SCUBE2: variants seen among roughly 807,000 people sequenced by gnomAD.
SCUBE2 encodes signal peptide, CUB and EGF-like domain-containing protein 2.
In SCUBE2, 114 loss-of-function variants were observed where a neutral mutation model predicts 125.9. The ratio of observed to expected loss-of-function variants is 0.91; its 90% CI spans 0.78 to 1.06. SCUBE2 has a LOEUF of 1.06. Among genes scored for constraint, SCUBE2 ranks in the 50% least tolerant of loss-of-function variants. The pLI is 0.00. For synonymous variants in SCUBE2, 459 were observed against 492.9 expected, an observed-to-expected ratio of 0.93 and a Z score of 0.91; for missense variants, 1,255 against 1,301.8, an observed-to-expected ratio of 0.96 and a Z score of 0.55.
rs78492071 is a variant in SCUBE2, at chr11:9,062,436, A to C, written c.851-1912T>G. Among the ~76,000 whole-genome samples, 112 of 152,344 alleles carry C rather than the reference A, an allele frequency of 7.4e-4. 1 individual carries two copies. Among genetic ancestry groups the C allele is most frequent in the Non-Finnish European group, 1.5e-3 (100 of 68,038 alleles). On this transcript the variant is annotated intron_variant, in intron 7 of 22. Coordinates refer to ENST00000649792, the MANE Select transcript of SCUBE2 (RefSeq NM_001367977.2). ...TATGTCACTGCCTCGTCACCCAAAC[A>C]TGAAGCCCACAAATCAATAGAATAT...
intron 2 of SCUBE2, among the ~76,000 whole-genome samples, chr11:9,087,757 G>A (rs1590170479): frequency 6.6e-6 from 1 of 152,104 alleles, no homozygotes; most frequent in East Asian, 1.9e-4. Flanking sequence ...TTTTCTTTTG[G>A]TCTTCCCTTC....
At chr11:9,024,367 A>T in intron 21 of SCUBE2, 4 of 1,287,910 alleles carry the variant, frequency 3.1e-6, no homozygotes, top group Non-Finnish European at 4.0e-6. Flanking sequence ...CCCAAGAGAT[A>T]CTAAAACTCC....
rs1384597853 is a variant in SCUBE2 at position 9,019,551 on chromosome 11, A to G, written c.*1494T>C. On this transcript the variant is annotated 3_prime_UTR_variant, in exon 23 of 23. Coordinates refer to ENST00000649792, the MANE Select transcript of SCUBE2 (RefSeq NM_001367977.2). Reference sequence around the variant, plus strand: ...TGATGATGTTCAAACTTTTGAAGAGAAATCTGAAAATGAATATTTAGGGCC... The same window carrying G: ...TGATGATGTTCAAACTTTTGAAGAGGAATCTGAAAATGAATATTTAGGGCC... Among the ~76,000 whole-genome samples, 1 of 152,060 alleles carries G rather than the reference A, an allele frequency of 6.6e-6. No individual in the cohort carries two copies. The highest frequency in any genetic ancestry group is 1.5e-5 in the Non-Finnish European group (1 of 68,028).
At chr11:9,086,104 G>A (rs539921025) in intron 2 of SCUBE2, among the ~76,000 whole-genome samples, 1 of 152,312 alleles carries the variant, frequency 6.6e-6, no homozygotes, top group Admixed American at 6.5e-5. Context: ...AAAGTGCTAG[G>A]ATTACAGGCG....
intron 7 of SCUBE2, among the ~76,000 whole-genome samples, chr11:9,065,632 A>G (rs972375083): frequency 3.9e-5 from 6 of 152,214 alleles, no homozygotes; most frequent in Admixed American, 6.5e-5. Flanking sequence ...GCAGTTTGCC[A>G]AGTCTTACAG....
At chr11:9,055,970 G>A (rs1859043489) in intron 9 of SCUBE2, 61 bp from the exon 10 acceptor site, 1 of 1,311,364 alleles carries the variant, frequency 7.6e-7, no homozygotes, top group Non-Finnish European at 1.1e-6. Context: ...TGAAGAATAG[G>A]TTTATGATAA....
intron 16 of SCUBE2, among the ~76,000 whole-genome samples, chr11:9,040,667 G>A (rs1253459291): frequency 6.7e-6 from 1 of 150,280 alleles, no homozygotes; most frequent in Admixed American, 6.6e-5. Context: ...GGATGGGGAG[G>A]GTACACAGTG....
chr11:9,021,776 T>C (rs1332851865), intron 22 of SCUBE2, 100 bp downstream of exon 22: 4 of 871,932 alleles, frequency 4.6e-6, no homozygotes. Context: ...AGGCTCCGTG[T>C]CTGAAAGGTG....
At chr11:9,088,604 G>A (rs986548929) in intron 2 of SCUBE2, among the ~76,000 whole-genome samples, 3 of 152,236 alleles carry the variant, frequency 2.0e-5, no homozygotes, top group African/African-American at 7.2e-5. Context: ...GATCCTGCAA[G>A]TATTCAGAAG....
At position 9,048,134 on chromosome 11, in the gene SCUBE2, C is replaced by T. The variant is rs777554994; in HGVS notation, c.1640-36G>A. 5.0e-6 allele frequency: 8 copies of T among 1,590,580 alleles called. No individual in the cohort carries two copies. The Admixed American group carries it at 1.4e-4, about 28-fold the overall frequency. On this transcript the variant is annotated intron_variant, in intron 14 of 22. Coordinates refer to ENST00000649792, the MANE Select transcript of SCUBE2 (RefSeq NM_001367977.2). ...AAACAAAATTATCGGAAGCCAAATC[C>T]TGGCAAAGCACTCAGCTGAACATTT... is the stretch of plus-strand genomic sequence containing the variant.
At chr11:9,031,012 C>T in intron 17 of SCUBE2, 87 bp from the exon 18 acceptor site, 1 of 1,316,842 alleles carries the variant, frequency 7.6e-7, no homozygotes, top group Non-Finnish European at 1.0e-6. Context: ...TTCAGTCCAA[C>T]CTGTTACCCA....
chr11:9,069,633 G>T, intron 4 of SCUBE2, 138 bp from the exon 5 acceptor site: 2 of 1,098,060 alleles, frequency 1.8e-6, no homozygotes, highest in Non-Finnish European at 1.3e-6. Context: ...AAAAGTATAT[G>T]TCATTAAAGT....
At chr11:9,036,394 C>A (rs148083932) in intron 16 of SCUBE2, among the ~76,000 whole-genome samples, 1 of 152,302 alleles carries the variant, frequency 6.6e-6, no homozygotes, top group African/African-American at 2.4e-5. Flanking sequence ...TACGAACTCA[C>A]GTTTTACCCT....
rs1386943251 is a variant in SCUBE2 at position 9,091,497 on chromosome 11, GC to G, written c.31del (p.Ala11ArgfsTer36). The part of the protein sequence containing the change: MGVAGRNRPG[A>X]AWAVLLLLLL... ...CAGCAGCAGCAGCACCGCCCAGGCC[GC>G]CCCGGGACGGTTGCGGCCCGCGACC... On this transcript the variant is annotated frameshift_variant, in exon 1 of 23. Coordinates refer to ENST00000649792, the MANE Select transcript of SCUBE2 (RefSeq NM_001367977.2). LOFTEE classifies it high-confidence loss of function. The surrounding 1 kb of genome is among the most constrained non-coding windows in gnomAD (Gnocchi z 8.5). The G allele has an allele frequency of 2.7e-6, 3 of 1,100,508 alleles. No individual in the cohort carries two copies. The highest frequency in any genetic ancestry group is 6.0e-5 in the South Asian group (2 of 33,126). 68.2% of individuals were successfully genotyped at this position (1,100,508 alleles called of 1,614,324 possible).
chr11:9,031,951 A>G (rs1235399400), intron 17 of SCUBE2, among the ~76,000 whole-genome samples: 5 of 152,200 alleles, frequency 3.3e-5, no homozygotes, highest in African/African-American at 1.2e-4. Flanking sequence ...TTCTGATTCC[A>G]CATCCTCCAC....
intron 4 of SCUBE2, among the ~76,000 whole-genome samples, chr11:9,072,902 A>G (rs1860920383): frequency 6.6e-6 from 1 of 152,128 alleles, no homozygotes; most frequent in East Asian, 1.9e-4. Flanking sequence ...TGTGTCTCTA[A>G]TCAGTCCGGG....
At position 9,053,151 on chromosome 11, in the gene SCUBE2, A is replaced by C; in HGVS notation, c.1395T>G (p.Gly465=). The change falls in exon 12 of 23, where the codon GGT becomes GGG. Residue 465 remains glycine (G), a synonymous_variant. Transcript: ENST00000649792. The part of the protein sequence containing the change: ...PRVSLHCGKS[G]GGDGCFLRCH... ...ATCTGAGGAAGCACCCGTCTCCTCC[A>C]CCACTCTTACCGCAGTGCAGGGACA... 6.2e-7 allele frequency: 1 copy of C among 1,614,134 alleles called. No homozygotes were observed. Among genetic ancestry groups the C allele is most frequent in the Non-Finnish European group, 8.5e-7 (1 of 1,180,036 alleles).
Position 9,029,910 on chromosome 11 carries a change from C to G in SCUBE2, c.2477G>C (p.Gly826Ala), listed in dbSNP as rs756448080. ...CPGNTTTDFD[G>A]STNITQCKNR... ...TTTACACTGGGTTATGTTTGTGGAG[C>G]CATCAAAGTCAGTCGTAGTATTTCC... is the stretch of plus-strand genomic sequence containing the variant. Residue 826 changes from glycine to alanine, a missense_variant, in exon 19 of 23, where the codon GGC (glycine) becomes GCC (alanine). Physicochemically the swap from Gly to Ala is moderately conservative, Grantham distance 60 (BLOSUM62 0). Coordinates refer to ENST00000649792, the MANE Select transcript of SCUBE2 (RefSeq NM_001367977.2). The G allele has an allele frequency of 8.7e-6, 14 of 1,614,112 alleles. No homozygotes were observed. The highest frequency in any genetic ancestry group is 1.2e-5 in the Non-Finnish European group (14 of 1,180,022).
intron 1 of SCUBE2, among the ~76,000 whole-genome samples, chr11:9,090,825 G>C (rs918621930): frequency 1.3e-5 from 2 of 152,164 alleles, no homozygotes; most frequent in African/African-American, 4.8e-5. Context: ...TGCAAGTCCA[G>C]TAAGCACAGC....
Sources: allele counts gnomAD v4.1 joint callset (sites outside exome capture counted in the v4.1 genomes callset), GRCh38; gene constraint gnomAD v4.1.1; non-coding constraint Gnocchi (gnomAD v3.1); transcripts MANE v1.5; gene names NCBI Gene and HGNC (gene_info 2026-07-23, HGNC 2026-07-21).